The following S100A13 variants were observed in gnomAD, a reference collection of about 807,000 sequenced individuals.
The protein encoded by S100A13 is S100 calcium binding protein A13, also known as protein S100-A13.
Under a neutral mutation model 8.2 loss-of-function variants are expected in S100A13, and 6 were observed. The observed-to-expected ratio is 0.73, with a 90% CI of 0.40 to 1.44. S100A13 has a LOEUF of 1.44. Ranked by LOEUF, S100A13 falls within the 40% of genes most tolerant of loss-of-function variation. The probability of loss-of-function intolerance (pLI) is 0.02; values close to 1 mark genes in which losing one functional copy is unlikely to be tolerated. For missense variants in S100A13, 114 were observed against 113.6 expected, an observed-to-expected ratio of 1.00 and a Z score of -0.02; for synonymous variants, 39 against 45.9, an observed-to-expected ratio of 0.85 and a Z score of 0.61.
rs1183833774 is a variant in S100A13, at chr1:153,626,313, T to C, written c.153+7A>G. 1.2e-6 allele frequency: 2 copies of C among 1,613,664 alleles called. No homozygotes were observed. The highest frequency in any genetic ancestry group is 2.2e-5 in the East Asian group (1 of 44,878). On this transcript the variant is annotated splice_region_variant and intron_variant, in intron 2 of 2. Transcript: ENST00000476133. ...TCACAAAATCTCAGTCCCAGACTTC[T>C]GCCTACCTTGAGCAGATGGGGCAAC...
intron 2 of S100A13, among the ~76,000 whole-genome samples, chr1:153,624,630 G>A (rs1667488148): frequency 1.0e-5 from 1 of 97,302 alleles, no homozygotes; most frequent in African/African-American, 5.1e-5. Flanking sequence ...GAAGTTTCCA[G>A]TAAAAAAGAT....
chr1:153,622,480 G>A (rs1015177699), intron 2 of S100A13, among the ~76,000 whole-genome samples: 8 of 152,198 alleles, frequency 5.3e-5, no homozygotes, highest in African/African-American at 1.4e-4. Flanking sequence ...ACAGATATTT[G>A]CAAGAAGGAA....
chr1:153,622,097 C>T (rs772122392), intron 2 of S100A13, among the ~76,000 whole-genome samples: 3 of 151,946 alleles, frequency 2.0e-5, no homozygotes, highest in African/African-American at 4.8e-5. Flanking sequence ...AAGCTGGTCT[C>T]GGTGGCTCAC....
At chr1:153,628,968 G>A (rs554413424), upstream of S100A13, 232 of 161,222 alleles carry the variant, frequency 1.4e-3, no homozygotes, top group African/African-American at 5.0e-3. Context: ...CTCAGGTCCC[G>A]GGGGAGTCTG....
chr1:153,631,530 T>A, upstream of S100A13: 1 of 1,613,816 alleles, frequency 6.2e-7, no homozygotes, highest in African/African-American at 1.3e-5. Flanking sequence ...GCTTATGCTG[T>A]AGGCAACAGA....
chr1:153,622,427 T>C (rs1357435185), intron 2 of S100A13, among the ~76,000 whole-genome samples: 1 of 152,176 alleles, frequency 6.6e-6, no homozygotes, highest in Non-Finnish European at 1.5e-5. Context: ...TGCCAAACAT[T>C]TACCTTATGT....
chr1:153,631,763 G>C, upstream of S100A13: 1 of 1,614,214 alleles, frequency 6.2e-7, no homozygotes, highest in Non-Finnish European at 8.5e-7. Flanking sequence ...GAGACGGGGA[G>C]GTGGACTTCC....
At chr1:153,631,550 G>A (rs1668008697), upstream of S100A13, 3 of 1,613,940 alleles carry the variant, frequency 1.9e-6, no homozygotes, top group Admixed American at 3.3e-5. Context: ...AAGCCCTCAA[G>A]ACCTTTGAGG....
upstream of S100A13, chr1:153,628,063 G>C (rs773813461): frequency 1.3e-6 from 2 of 1,550,426 alleles, no homozygotes; most frequent in Admixed American, 2.0e-5. Flanking sequence ...GGTCCTCTCA[G>C]TGAGGCCCCA....
chr1:153,631,631 C>G (rs1668013797), upstream of S100A13: 3 of 1,613,568 alleles, frequency 1.9e-6, no homozygotes, highest in Non-Finnish European at 2.5e-6. Context: ...CTCAACCACC[C>G]CCTTGCCTCT....
At chr1:153,628,620 A>G (rs1667817598), upstream of S100A13, 1 of 1,439,670 alleles carries the variant, frequency 6.9e-7, no homozygotes, top group Non-Finnish European at 9.2e-7. Context: ...GGGAGGAGTC[A>G]GTCAGGGTGA....
intron 2 of S100A13, among the ~76,000 whole-genome samples, chr1:153,625,901 C>T (rs1667585163): frequency 6.6e-6 from 1 of 152,260 alleles, no homozygotes; most frequent in Non-Finnish European, 1.5e-5. Context: ...GGCGCAGTGG[C>T]TTGCGCCTGT....
chr1:153,630,746 C>T (rs1411751705), upstream of S100A13: 2 of 1,529,838 alleles, frequency 1.3e-6, no homozygotes, highest in Non-Finnish European at 1.8e-6. Context: ...CTCCCCACCC[C>T]ACCTCCAGCT....
upstream of S100A13, among the ~76,000 whole-genome samples, chr1:153,632,863 A>G (rs1308182072): frequency 2.0e-5 from 3 of 152,196 alleles, no homozygotes; most frequent in African/African-American, 7.2e-5. Flanking sequence ...TTGTGCACAT[A>G]GTCATTAGAA....
chr1:153,623,106 G>GT (rs1351136271), intron 2 of S100A13, among the ~76,000 whole-genome samples: 1 of 152,018 alleles, frequency 6.6e-6, no homozygotes, highest in Non-Finnish European at 1.5e-5. Context: ...AAAAAAAGAG[G>GT]TATCAGTTGT....
At chr1:153,627,882 C>A (rs941371162), upstream of S100A13, 62 of 733,436 alleles carry the variant, frequency 8.5e-5, no homozygotes, top group Non-Finnish European at 1.2e-4. Context: ...CACACAGAGG[C>A]CCCTTGGAAT....
upstream of S100A13, chr1:153,630,710 G>T: frequency 1.2e-6 from 2 of 1,600,998 alleles, no homozygotes; most frequent in Non-Finnish European, 8.5e-7. Context: ...AAGGTTGGGG[G>T]AATGGGGTGG....
intron 1 of S100A13, 68 bp from the exon 2 acceptor site, chr1:153,626,601 G>T: frequency 1.1e-6 from 1 of 891,728 alleles, no homozygotes; most frequent in Non-Finnish European, 1.7e-6. Context: ...GGTTCAGAAG[G>T]TCCCTGCCTT....
chr1:153,628,504 C>A (rs1026588489), upstream of S100A13: 10 of 1,550,542 alleles, frequency 6.4e-6, no homozygotes, highest in Non-Finnish European at 7.8e-6. Context: ...ACCGTGAGTA[C>A]CCTGCCCCAC....
Sources: gnomAD v4.1 joint callset for allele counts (sites outside exome capture counted in the v4.1 genomes callset) on GRCh38, gnomAD v4.1.1 for gene constraint, MANE v1.5 for transcripts, NCBI Gene and HGNC (gene_info 2026-07-23, HGNC 2026-07-21) for gene names.